Variants in SIPA1L1 observed in about 807,000 individuals in gnomAD.
SIPA1L1 encodes the protein signal-induced proliferation-associated 1-like protein 1.
A neutral mutation model predicts 162.7 loss-of-function variants in SIPA1L1; 26 were observed. That is an observed-to-expected ratio of 0.16 (90% CI 0.12 to 0.22). SIPA1L1 has a LOEUF of 0.22. SIPA1L1 is among the 10% of genes least tolerant of loss of function. The pLI is 1.00. For missense variants in SIPA1L1, 1,874 were observed against 2,241.0 expected (o/e 0.84, Z 3.31); for synonymous variants, 829 against 837.4 (o/e 0.99, Z 0.17).
intron 20 of SIPA1L1, among the ~76,000 whole-genome samples, chr14:71,731,519 A>G (rs1303543360): frequency 1.3e-5 from 2 of 152,052 alleles, no homozygotes; most frequent in Non-Finnish European, 2.9e-5. Context: ...CTCTCCCTAC[A>G]TCGGGGTCAG....
chr14:71,387,492 T>G (rs1418616687), intron 2 of SIPA1L1, among the ~76,000 whole-genome samples: 1 of 152,120 alleles, frequency 6.6e-6, no homozygotes, highest in Non-Finnish European at 1.5e-5. Flanking sequence ...ATCTTAAAGT[T>G]TGTCTTTAAT....
At chr14:71,525,618 C>G (rs1409795711) in intron 3 of SIPA1L1, among the ~76,000 whole-genome samples, 1 of 152,194 alleles carries the variant, frequency 6.6e-6, no homozygotes, top group Admixed American at 6.5e-5. Flanking sequence ...AAAGTCAAGA[C>G]TGTATCATTG....
chr14:71,403,170 A>G (rs561508399), intron 2 of SIPA1L1, among the ~76,000 whole-genome samples: 2 of 152,268 alleles, frequency 1.3e-5, no homozygotes, highest in African/African-American at 4.8e-5. Flanking sequence ...CAGACTTTTC[A>G]TGTACTTCTC....
rs765106790 is a variant in SIPA1L1 at position 71,446,894 on chromosome 14, G to GTTTTTTTTT, written c.-464-65846_-464-65838dup. On this transcript the variant is annotated intron_variant, in intron 2 of 23. Transcript: ENST00000381232. Reference sequence around the variant, plus strand: ...CTGCAAATAAAGAGAGATGGGCTCTGTTTTTTTTTTTGTTTTTTTTTTTTT... The same window carrying GTTTTTTTTT: ...CTGCAAATAAAGAGAGATGGGCTCTGTTTTTTTTTTTTTTTTTTTTGTTTTTTTTTTTTT... Among the ~76,000 whole-genome samples the GTTTTTTTTT allele has an allele frequency of 9.2e-4, 80 of 87,390 alleles. 12 individuals carry two copies. Among genetic ancestry groups the GTTTTTTTTT allele is most frequent in the East Asian group, 2.0e-3 (5 of 2,446 alleles). 57.3% of individuals were successfully genotyped at this position (87,390 alleles called of 152,430 possible).
At chr14:71,708,012 GGTGT>G (rs1480195968) in intron 16 of SIPA1L1, among the ~76,000 whole-genome samples, 1 of 93,308 alleles carries the variant, frequency 1.1e-5, no homozygotes, top group East Asian at 4.9e-4. Flanking sequence ...TTTGTTTTTT[GGTGT>G]TTTTTTTTTT....
intron 2 of SIPA1L1, among the ~76,000 whole-genome samples, chr14:71,460,304 C>T (rs890967230): frequency 6.6e-6 from 1 of 152,110 alleles, no homozygotes; most frequent in Non-Finnish European, 1.5e-5. Context: ...GGTGGAGTGA[C>T]CCAAATCTTC....
At chr14:71,537,424 C>T (rs1482790942) in intron 4 of SIPA1L1, among the ~76,000 whole-genome samples, 6 of 152,068 alleles carry the variant, frequency 3.9e-5, no homozygotes, top group East Asian at 1.9e-4. Context: ...AGGCTGGTCT[C>T]GGACTCCTGA....
intron 2 of SIPA1L1, among the ~76,000 whole-genome samples, chr14:71,373,310 C>CA (rs75480788): frequency 0.078 from 5,734 of 73,964 alleles, 223 homozygotes; most frequent in African/African-American, 0.16. Context: ...GACTCCGTCT[C>CA]AAAAAAAAAA....
intron 2 of SIPA1L1, among the ~76,000 whole-genome samples, chr14:71,420,319 A>T (rs185156656): frequency 1.0e-3 from 159 of 152,314 alleles, no homozygotes; most frequent in African/African-American, 3.4e-3. Flanking sequence ...AAATGCATTG[A>T]GGCATTTATA....
chr14:71,708,029 G>GTTTTTTTTTTTTT (rs58827391), intron 16 of SIPA1L1, among the ~76,000 whole-genome samples: 4 of 82,082 alleles, frequency 4.9e-5, no homozygotes, highest in Non-Finnish European at 6.4e-5. Context: ...TTTTTTTTTT[G>GTTTTTTTTTTTTT]TTTTTTTTTT....
chr14:71,557,335 TTTCCCCATTAGA>T (rs2056434490), intron 4 of SIPA1L1, among the ~76,000 whole-genome samples: 1 of 152,218 alleles, frequency 6.6e-6, no homozygotes, highest in African/African-American at 2.4e-5. Flanking sequence ...ATGGAAAATG[TTTCCCCATTAGA>T]TATCACATTT....
At chr14:71,655,148 T>C (rs2042952920) in intron 8 of SIPA1L1, among the ~76,000 whole-genome samples, 1 of 152,128 alleles carries the variant, frequency 6.6e-6, no homozygotes, top group Non-Finnish European at 1.5e-5. Context: ...GACTCGCCAA[T>C]GTCTGTTGTT....
At chr14:71,498,619 C>T (rs1040512921) in intron 2 of SIPA1L1, among the ~76,000 whole-genome samples, 1 of 152,152 alleles carries the variant, frequency 6.6e-6, no homozygotes, top group Non-Finnish European at 1.5e-5. Flanking sequence ...TGTCTATGAG[C>T]TGAATAAACA....
chr14:71,597,897 G>T (rs1244508210), intron 5 of SIPA1L1, among the ~76,000 whole-genome samples: 1 of 152,168 alleles, frequency 6.6e-6, no homozygotes, highest in African/African-American at 2.4e-5. Context: ...TTAATTCACA[G>T]CCAGCCTAAG....
At chr14:71,664,483 C>T (rs1461596728) in intron 10 of SIPA1L1, among the ~76,000 whole-genome samples, 1 of 152,102 alleles carries the variant, frequency 6.6e-6, no homozygotes, top group Non-Finnish European at 1.5e-5. Context: ...TTTATATAGG[C>T]ATGCAGTGCA....
At chr14:71,442,715 C>G (rs946184573) in intron 2 of SIPA1L1, among the ~76,000 whole-genome samples, 1 of 152,010 alleles carries the variant, frequency 6.6e-6, no homozygotes, top group Non-Finnish European at 1.5e-5. Flanking sequence ...ATTGCGTAAG[C>G]TTAGGACTTT....
chr14:71,709,549 C>T lies in SIPA1L1; in HGVS notation c.4093C>T (p.Arg1365Trp), dbSNP rs746610683. Residue 1365 changes from arginine (R) to tryptophan (W), a missense_variant, in exon 17 of 24, where the codon CGG becomes TGG. By Grantham distance (101) the Arg-to-Trp change is moderately radical. Transcript: ENST00000381232. ...GGAGACAGAGAGCCACGGCCTGGAC[C>T]GGAAAACAGAGTCTTCCCTGAGCTT... ...TLETESHGLD[R>W]KTESSLSLDI... 1.5e-5 allele frequency: 25 copies of T among 1,613,994 alleles called. No homozygotes were observed. The highest frequency in any genetic ancestry group is 1.9e-5 in the Non-Finnish European group (23 of 1,180,000).
chr14:71,699,413 A>G (rs1482566479), intron 14 of SIPA1L1, among the ~76,000 whole-genome samples: 1 of 152,180 alleles, frequency 6.6e-6, no homozygotes, highest in Non-Finnish European at 1.5e-5. Flanking sequence ...CACAGTTCAG[A>G]TTTTGTCACT....
intron 4 of SIPA1L1, among the ~76,000 whole-genome samples, chr14:71,569,977 G>C (rs2031637950): frequency 6.6e-6 from 1 of 152,198 alleles, no homozygotes; most frequent in African/African-American, 2.4e-5. Context: ...CTGTAAGAAC[G>C]GCTATGTTAA....
Sources: gnomAD v4.1 joint callset for allele counts (sites outside exome capture counted in the v4.1 genomes callset) on GRCh38, gnomAD v4.1.1 for gene constraint, MANE v1.5 for transcripts, NCBI Gene and HGNC (gene_info 2026-07-23, HGNC 2026-07-21) for gene names.